Variants in RACK1 observed in about 807,000 individuals in gnomAD.
RACK1 encodes receptor for activated C kinase 1.
A neutral mutation model predicts 42.2 loss-of-function variants in RACK1; 3 were observed. The observed-to-expected ratio is 0.07, with a 90% confidence interval of 0.03 to 0.18. The LOEUF (loss-of-function observed/expected upper bound fraction) is 0.18, where lower values mean the gene tolerates loss of function less well. Ranked by LOEUF, RACK1 falls within the 10% of genes least tolerant of loss-of-function variation. The pLI is 1.00. For synonymous variants in RACK1, 181 were observed against 154.8 expected, an observed-to-expected ratio of 1.17 and a Z score of -1.25; for missense variants, 146 against 403.2, an observed-to-expected ratio of 0.36 and a Z score of 5.46.
intron 5 of RACK1, 55 bp downstream of exon 5, chr5:181,239,012 G>C: frequency 8.8e-7 from 1 of 1,132,736 alleles, no homozygotes. Context: ...CTGGCTAAGT[G>C]CTCCTTCCAT....
In RACK1 at chr5:181,237,010, C is replaced by T. The variant is rs1470007435; in HGVS notation, c.921G>A (p.Val307=). Residue 307 remains valine, a synonymous_variant, in exon 8 of 8, where the codon GTG becomes GTA. Coordinates refer to ENST00000512805, the MANE Select transcript of RACK1 (RefSeq NM_006098.5). Reference sequence around the variant, plus strand: ...TGCCAATGGTCACCTGCCACACTCGCACCAGGTTGTCCGTGTAGCCAGCAA... The same window carrying T: ...TGCCAATGGTCACCTGCCACACTCGTACCAGGTTGTCCGTGTAGCCAGCAA... ...TLFAGYTDNL[V]RVWQVTIGTR 5 of 1,613,986 alleles carry T rather than the reference C, an allele frequency of 3.1e-6. No homozygotes were observed. The highest frequency in any genetic ancestry group is 4.5e-5 in the East Asian group (2 of 44,902).
intron 6 of RACK1, 112 bp from the exon 7 acceptor site, chr5:181,237,831 A>G: frequency 1.4e-6 from 1 of 710,762 alleles, no homozygotes; most frequent in Admixed American, 2.2e-5. Flanking sequence ...CCTGGGGTCC[A>G]TGTATCAATG....
Position 181,241,426 on chromosome 5 carries a change from C to CAAAAAAAAAAAAAAAA in RACK1, c.429+50_429+65dup, listed in dbSNP as rs57063983. On this transcript the variant is annotated intron_variant, in intron 3 of 7. Coordinates refer to ENST00000512805, the MANE Select transcript of RACK1 (RefSeq NM_006098.5). Reference sequence around the variant, plus strand: ...GCTTGGGCAAGAGTGAGACTGTCGCCAAAAAAAAAAAAAAAAAGCAAAGTT... The same window carrying CAAAAAAAAAAAAAAAA: ...GCTTGGGCAAGAGTGAGACTGTCGCCAAAAAAAAAAAAAAAAAAAAAAAAAAAAAAAAAGCAAAGTT... The CAAAAAAAAAAAAAAAA allele has an allele frequency of 2.5e-4, 271 of 1,074,366 alleles. 2 individuals are homozygous for CAAAAAAAAAAAAAAAA. The highest frequency in any genetic ancestry group is 1.3e-3 in the Middle Eastern group (5 of 3,722). The allele number at this position is 1,074,366 out of a possible 1,614,324, so 66.6% of individuals were successfully genotyped here. A position where few individuals can be genotyped will look rare whatever the true frequency, so the allele number is the denominator to read the frequency against.
chr5:181,243,413 G>T (rs191153380), intron 1 of RACK1: 2 of 1,472,290 alleles, frequency 1.4e-6, no homozygotes, highest in Admixed American at 3.7e-5. Flanking sequence ...ACACTACGAA[G>T]GAGAAGGCAA....
intron 5 of RACK1, 131 bp from the exon 6 acceptor site, chr5:181,238,370 T>A: frequency 1.1e-6 from 1 of 888,086 alleles, no homozygotes; most frequent in Non-Finnish European, 1.8e-6. Context: ...AGCTAATGAC[T>A]CAAGTACCAA....
At chr5:181,243,352 G>A (rs758768602) in intron 1 of RACK1, 3 of 1,381,572 alleles carry the variant, frequency 2.2e-6, no homozygotes, top group Non-Finnish European at 2.9e-6. Flanking sequence ...CCGACACTCA[G>A]ATGGCATGTT....
rs570339393 is a variant in RACK1, at chr5:181,236,926, A to AAGTC, written c.*47_*50dup. On this transcript the variant is annotated 3_prime_UTR_variant, in exon 8 of 8. Transcript: ENST00000512805. ...TTGCATATAAGAAAAAAAAACCTAAAAGTCAGAAAAGCCAGTTTTTTTTTT... is the reference window on the plus strand; with the variant it reads ...TTGCATATAAGAAAAAAAAACCTAAAAGTCAGTCAGAAAAGCCAGTTTTTTTTTT... The AAGTC allele has an allele frequency of 3.2e-6, 5 of 1,555,824 alleles. No homozygotes were observed. Among genetic ancestry groups the AAGTC allele is most frequent in the African/African-American group, 1.4e-5 (1 of 68,972 alleles).
chr5:181,243,355 G>A (rs1759427844), intron 1 of RACK1: 1 of 1,383,884 alleles, frequency 7.2e-7, no homozygotes, highest in Non-Finnish European at 9.6e-7. Context: ...ACACTCAGAT[G>A]GCATGTTGGG....
At position 181,238,159 on chromosome 5, in the gene RACK1, C is replaced by T; in HGVS notation, c.717G>A (p.Leu239=). ...TLDGGDIINA[L]CFSPNRYWLC... Reference sequence around the variant, plus strand: ...GCCAGTAGCGGTTAGGGCTGAAGCACAGGGCGTTGATGATGTCCCCACCAT... The same window carrying T: ...GCCAGTAGCGGTTAGGGCTGAAGCATAGGGCGTTGATGATGTCCCCACCAT... Residue 239 remains leucine, a synonymous_variant, in exon 6 of 8, where the codon CTG becomes CTA. Transcript: ENST00000512805. 3 of 1,614,188 alleles carry T rather than the reference C, an allele frequency of 1.9e-6. No individual in the cohort carries two copies. Among genetic ancestry groups the T allele is most frequent in the East Asian group, 2.2e-5 (1 of 44,880 alleles).
rs751944608 is a variant in RACK1, at chr5:181,243,683, A to AG, written c.109+8dup. ...AATCTCGGGTCCTGAAATCTACCTT[A>AG]GTCCGTACCTCGAGAGGCGGAGAGG... On this transcript the variant is annotated intron_variant, in intron 1 of 7. Transcript: ENST00000512805. 13 of 1,589,722 alleles carry AG rather than the reference A, an allele frequency of 8.2e-6. No homozygotes were observed. The African/African-American group carries it at 1.2e-4, about 15-fold the overall frequency.
chr5:181,243,556 T>G, intron 1 of RACK1, 136 bp downstream of exon 1: 2 of 1,400,982 alleles, frequency 1.4e-6, no homozygotes, highest in Non-Finnish European at 1.9e-6. Context: ...CAATTCACAA[T>G]GGGGCAGAGA....
rs535433416 is a variant in RACK1 at position 181,243,900 on chromosome 5, AAGAG to A, written c.-104_-101del. On this transcript the variant is annotated 5_prime_UTR_variant, in exon 1 of 8. Transcript: ENST00000512805. ...CTCTCCTGCCGCCGCCTTGCAGTGA[AAGAG>A]AGAGAGAAAAGCCCCCCGCCGGAAC... is the stretch of plus-strand genomic sequence containing the variant. The A allele has an allele frequency of 7.4e-5, 107 of 1,454,578 alleles. No individual in the cohort carries two copies. The highest frequency in any genetic ancestry group is 2.5e-4 in the Middle Eastern group (1 of 3,978). The allele number at this position is 1,454,578 out of a possible 1,614,324, so 90.1% of individuals were successfully genotyped here. A position where few individuals can be genotyped will look rare whatever the true frequency, so the allele number is the denominator to read the frequency against.
rs1464273130 is a variant in RACK1 at position 181,242,276 on chromosome 5, C to A, written c.179G>T (p.Arg60Leu). ...ATCACTAACAAAGTGGGAGTGACCC[C>A]GCAGAGCACGCTGTGGAATTCCATA... is the stretch of plus-strand genomic sequence containing the variant. ...TNYGIPQRALRGHSHFVSDVV... is the reference protein window; with the variant it reads ...TNYGIPQRALLGHSHFVSDVV... Residue 60 changes from arginine (R) to leucine (L), a missense_variant, in exon 2 of 8, where the codon CGG (arginine) becomes CTG (leucine). Transcript: ENST00000512805. The A allele has an allele frequency of 1.2e-6, 2 of 1,613,634 alleles. No homozygotes were observed. Among genetic ancestry groups the A allele is most frequent in the Non-Finnish European group, 1.7e-6 (2 of 1,179,526 alleles).
rs1362045988 is a variant in RACK1 at position 181,243,900 on chromosome 5, A to G, written c.-100T>C. 1.4e-5 allele frequency: 20 copies of G among 1,454,460 alleles called. No individual in the cohort carries two copies. The highest frequency in any genetic ancestry group is 2.5e-4 in the Middle Eastern group (1 of 4,000). The allele number at this position is 1,454,460 out of a possible 1,614,324, so 90.1% of individuals were successfully genotyped here. On this transcript the variant is annotated 5_prime_UTR_variant, in exon 1 of 8. Coordinates refer to ENST00000512805, the MANE Select transcript of RACK1 (RefSeq NM_006098.5). ...CTCTCCTGCCGCCGCCTTGCAGTGA[A>G]AGAGAGAGAGAAAAGCCCCCCGCCG...
At chr5:181,237,324 A>T (rs545860844) in intron 7 of RACK1, 1 of 713,982 alleles carries the variant, frequency 1.4e-6, no homozygotes, top group East Asian at 2.7e-5. Context: ...GTATTCCTTG[A>T]GGAAGAAACA....
chr5:181,243,245 G>T, intron 1 of RACK1: 2 of 1,340,388 alleles, frequency 1.5e-6, no homozygotes, highest in African/African-American at 1.5e-5. Flanking sequence ...AGAAAAAGTA[G>T]GCCGACACTT....
chr5:181,238,018 C>T, intron 6 of RACK1, 81 bp downstream of exon 6: 1 of 1,471,226 alleles, frequency 6.8e-7, no homozygotes. Context: ...AGGTGGGAGT[C>T]AGATGGCATA....
At chr5:181,239,646 G>C (rs1759266550) in intron 3 of RACK1, 64 bp from the exon 4 acceptor site, 1 of 1,024,662 alleles carries the variant, frequency 9.8e-7, no homozygotes, top group African/African-American at 1.6e-5. Flanking sequence ...AGACCTCCCA[G>C]CCCTACCCCT....
At chr5:181,237,161 G>A (rs2113206799) in intron 7 of RACK1, 119 bp from the exon 8 acceptor site, 5 of 1,538,344 alleles carry the variant, frequency 3.3e-6, no homozygotes, top group Middle Eastern at 1.7e-4. Context: ...CTAGGCTGGA[G>A]TGCAGGGGTG....
Sources: allele counts gnomAD v4.1 joint callset, GRCh38; gene constraint gnomAD v4.1.1; transcripts MANE v1.5; gene names NCBI Gene and HGNC (gene_info 2026-07-23, HGNC 2026-07-21).